Variants in FGF12 observed in about 807,000 individuals in gnomAD.
The protein encoded by FGF12 is fibroblast growth factor 12, also known as fibroblast growth factor 12B.
A neutral mutation model predicts 23.6 loss-of-function variants in FGF12; 14 were observed. The ratio of observed to expected loss-of-function variants is 0.59; its 90% CI spans 0.39 to 0.93. FGF12 has a LOEUF of 0.93. Among genes scored for constraint, FGF12 ranks in the 40% least tolerant of loss-of-function variants. The pLI is 0.00. For missense variants in FGF12, 175 were observed against 217.8 expected (o/e 0.80, Z 1.24); for synonymous variants, 62 against 77.3 (o/e 0.80, Z 1.04).
At chr3:192,449,713 A>G (rs7643877) in intron 2 of FGF12, among the ~76,000 whole-genome samples, 7,240 of 152,152 alleles carry the variant, frequency 0.048, 598 homozygotes, top group African/African-American at 0.17. Flanking sequence ...ACACCTCCCT[A>G]TGGATTGCTT....
At chr3:192,204,700 A>G (rs1325142920) in intron 4 of FGF12, among the ~76,000 whole-genome samples, 1 of 152,116 alleles carries the variant, frequency 6.6e-6, no homozygotes, top group Non-Finnish European at 1.5e-5. Context: ...AGCCTGGCCA[A>G]CGTGGCAAAA....
chr3:192,203,776 A>AT (rs1034663006), intron 4 of FGF12, among the ~76,000 whole-genome samples: 7 of 151,648 alleles, frequency 4.6e-5, no homozygotes, highest in Admixed American at 2.0e-4. Context: ...AATTTTTAAA[A>AT]TTTTTTTGTA....
chr3:192,509,775 A>T (rs528111632), intron 2 of FGF12, among the ~76,000 whole-genome samples: 1 of 152,296 alleles, frequency 6.6e-6, no homozygotes, highest in Non-Finnish European at 1.5e-5. Flanking sequence ...TACAAACAGA[A>T]ATCAATACAT....
chr3:192,405,364 A>G (rs1013799774), intron 2 of FGF12, among the ~76,000 whole-genome samples: 4 of 151,286 alleles, frequency 2.6e-5, no homozygotes, highest in African/African-American at 9.9e-5. Context: ...GAGATACTCA[A>G]TGTGTCAGCC....
At chr3:192,513,498 T>C (rs1724557581) in intron 2 of FGF12, among the ~76,000 whole-genome samples, 1 of 152,144 alleles carries the variant, frequency 6.6e-6, no homozygotes, top group Non-Finnish European at 1.5e-5. Context: ...GACTGATGAG[T>C]AACCACAAAG....
At chr3:192,598,544 C>T (rs1256753811) in intron 2 of FGF12, among the ~76,000 whole-genome samples, 1 of 152,044 alleles carries the variant, frequency 6.6e-6, no homozygotes, top group Non-Finnish European at 1.5e-5. Context: ...CTTGATATTC[C>T]TTAGAGGGCA....
Position 192,667,913 on chromosome 3 carries a change from C to T in FGF12, c.13+59268G>A, listed in dbSNP as rs140862511. ...GCTGGAAGAAAAATGTTATCAGACA[C>T]ACATAATGAAAAGGTAAAAATTATC... On this transcript the variant is annotated intron_variant, in intron 2 of 5. Transcript: ENST00000445105. 6.7e-3 allele frequency among the ~76,000 whole-genome samples: 1,023 copies of T among 152,164 alleles called. 11 individuals carry two copies. The highest frequency in any genetic ancestry group is 0.023 in the African/African-American group (950 of 41,526).
intron 2 of FGF12, among the ~76,000 whole-genome samples, chr3:192,593,361 C>T (rs920783226): frequency 2.6e-5 from 4 of 151,758 alleles, no homozygotes; most frequent in African/African-American, 9.7e-5. Context: ...CAACCCTATG[C>T]CCTCTGTGAC....
intron 4 of FGF12, among the ~76,000 whole-genome samples, chr3:192,186,961 T>C (rs903316553): frequency 6.6e-6 from 1 of 152,228 alleles, no homozygotes; most frequent in African/African-American, 2.4e-5. Flanking sequence ...TCTGTATTAG[T>C]ACAGATGAAG....
chr3:192,291,341 G>A (rs1364120945), intron 4 of FGF12, among the ~76,000 whole-genome samples: 1 of 152,124 alleles, frequency 6.6e-6, no homozygotes, highest in East Asian at 1.9e-4. Flanking sequence ...AGCACTTTGG[G>A]AGGGCAAGGG....
chr3:192,333,337 C>T (rs961338557), intron 4 of FGF12, among the ~76,000 whole-genome samples: 71 of 152,028 alleles, frequency 4.7e-4, no homozygotes, highest in African/African-American at 1.6e-3. Flanking sequence ...ATAATATAGT[C>T]TACATTTAGC....
At chr3:192,456,924 T>TTA (rs1193244362) in intron 2 of FGF12, among the ~76,000 whole-genome samples, 1 of 152,222 alleles carries the variant, frequency 6.6e-6, no homozygotes, top group East Asian at 1.9e-4. Context: ...TCATCTTGAA[T>TTA]TATACTCCCA....
At chr3:192,618,953 A>G (rs190097708) in intron 2 of FGF12, among the ~76,000 whole-genome samples, 18 of 152,090 alleles carry the variant, frequency 1.2e-4, no homozygotes, top group Admixed American at 1.0e-3. Flanking sequence ...AAAAAATCAT[A>G]TAACATGTTA....
At chr3:192,255,352 G>C (rs1291929333) in intron 4 of FGF12, among the ~76,000 whole-genome samples, 8 of 151,954 alleles carry the variant, frequency 5.3e-5, no homozygotes, top group Non-Finnish European at 1.5e-5. Context: ...GGCTGGGGGA[G>C]AGGTATACTA....
intron 2 of FGF12, among the ~76,000 whole-genome samples, chr3:192,532,309 G>T (rs4312612): frequency 2.0e-5 from 3 of 151,754 alleles, no homozygotes; most frequent in South Asian, 2.1e-4. Context: ...CTTTCGATGG[G>T]GATTGAACTG....
At chr3:192,511,263 A>G (rs1358760736) in intron 2 of FGF12, among the ~76,000 whole-genome samples, 1 of 151,286 alleles carries the variant, frequency 6.6e-6, no homozygotes, top group Non-Finnish European at 1.5e-5. Context: ...ACCTGCTACT[A>G]TTACTACTAC....
At chr3:192,454,935 T>A (rs1189398200) in intron 2 of FGF12, among the ~76,000 whole-genome samples, 1 of 131,956 alleles carries the variant, frequency 7.6e-6, no homozygotes, top group Non-Finnish European at 1.5e-5. Context: ...GACATCTCAG[T>A]TTTTACAATA....
At chr3:192,505,641 T>C (rs1306471899) in intron 2 of FGF12, among the ~76,000 whole-genome samples, 2 of 152,208 alleles carry the variant, frequency 1.3e-5, no homozygotes, top group Non-Finnish European at 2.9e-5. Context: ...ATCACTAGTT[T>C]TTAATTATAA....
intron 2 of FGF12, among the ~76,000 whole-genome samples, chr3:192,469,704 C>T (rs968771659): frequency 2.6e-4 from 39 of 152,174 alleles, no homozygotes; most frequent in African/African-American, 8.9e-4. Context: ...TAACCGTCCC[C>T]ACAATGTTTG....
Sources: allele counts gnomAD v4.1 joint callset (sites outside exome capture counted in the v4.1 genomes callset), GRCh38; gene constraint gnomAD v4.1.1; transcripts MANE v1.5; gene names NCBI Gene and HGNC (gene_info 2026-07-23, HGNC 2026-07-21).